MAP2K2: variants seen among roughly 807,000 people sequenced by gnomAD.
MAP2K2 encodes mitogen-activated protein kinase kinase 2.
MAP2K2 carries 24 observed loss-of-function variants against 43.7 expected under a neutral mutation model. The observed-to-expected ratio is 0.55, with a 90% confidence interval of 0.40 to 0.77. The LOEUF (loss-of-function observed/expected upper bound fraction) is 0.77, where lower values mean the gene tolerates loss of function less well. Among genes scored for constraint, MAP2K2 ranks in the 30% least tolerant of loss-of-function variants. MAP2K2 has a pLI of 0.00. For synonymous variants in MAP2K2, 244 were observed against 239.7 expected (o/e 1.02, Z -0.17); for missense variants, 470 against 566.8 (o/e 0.83, Z 1.73).
intron 6 of MAP2K2, chr19:4,099,834 G>A (rs535508084): frequency 2.2e-5 from 6 of 267,190 alleles, no homozygotes; most frequent in East Asian, 6.1e-5. Context: ...ACTAAGGGCC[G>A]GGTGCAGTGG....
intron 3 of MAP2K2, 129 bp from the exon 4 acceptor site, chr19:4,102,582 A>G (rs1303131647): frequency 8.7e-6 from 8 of 915,702 alleles, no homozygotes; most frequent in Non-Finnish European, 1.4e-5. Context: ...GCCCAACTCC[A>G]CCCACGGGCC....
chr19:4,101,361 CAG>C lies in MAP2K2; in HGVS notation c.529-83_529-82del. On this transcript the variant is annotated intron_variant, in intron 4 of 10. Coordinates refer to ENST00000262948, the MANE Select transcript of MAP2K2 (RefSeq NM_030662.4). This position sits in a 1 kb window ranked among gnomAD's most constrained non-coding sequence, Gnocchi z 6.3. ...ACCGAGCCCGGGGGTCAGAGCTGAG[CAG>C]TCAGAGCTGGAGCGAGGGAGCTGCG... 1.4e-6 allele frequency: 2 copies of C among 1,463,060 alleles called. No homozygotes were observed. The highest frequency in any genetic ancestry group is 1.9e-6 in the Non-Finnish European group (2 of 1,067,958). The allele number at this position is 1,463,060 out of a possible 1,614,324, so 90.6% of individuals were successfully genotyped here. A position where few individuals can be genotyped will look rare whatever the true frequency, so the allele number is the denominator to read the frequency against.
At chr19:4,118,337 T>C (rs2041253566) in intron 1 of MAP2K2, among the ~76,000 whole-genome samples, 1 of 152,170 alleles carries the variant, frequency 6.6e-6, no homozygotes, top group South Asian at 2.1e-4. Context: ...TGTCTGTCTT[T>C]GCAGGAGATA....
chr19:4,099,046 C>T, intron 7 of MAP2K2, 155 bp downstream of exon 7: 1 of 669,986 alleles, frequency 1.5e-6, no homozygotes, highest in Non-Finnish European at 2.6e-6. Context: ...CCGGAAACCC[C>T]AGGACCATGG....
At chr19:4,102,647 AG>A in intron 3 of MAP2K2, 194 bp from the exon 4 acceptor site, 1 of 935,136 alleles carries the variant, frequency 1.1e-6, no homozygotes, top group Non-Finnish European at 1.6e-6. Context: ...CCCACCCACA[AG>A]GTGGGGAAGG....
intron 10 of MAP2K2, among the ~76,000 whole-genome samples, chr19:4,092,065 G>A (rs1443173505): frequency 6.6e-6 from 1 of 152,226 alleles, no homozygotes; most frequent in Non-Finnish European, 1.5e-5. Context: ...CCTTGGGGAA[G>A]AGGCTGTGCT....
At chr19:4,112,665 C>T (rs575941708) in intron 2 of MAP2K2, among the ~76,000 whole-genome samples, 1 of 152,100 alleles carries the variant, frequency 6.6e-6, no homozygotes, top group Admixed American at 6.5e-5. Flanking sequence ...CCTGCCCCTG[C>T]CTGCCCGCCC....
At chr19:4,107,910 G>A (rs1227144586) in intron 3 of MAP2K2, among the ~76,000 whole-genome samples, 2 of 152,314 alleles carry the variant, frequency 1.3e-5, no homozygotes, top group African/African-American at 4.8e-5. Flanking sequence ...CTTCACAGCA[G>A]AAGCGGCAAG....
intron 10 of MAP2K2, among the ~76,000 whole-genome samples, chr19:4,093,980 C>G (rs1266718317): frequency 6.6e-6 from 1 of 152,108 alleles, no homozygotes; most frequent in Non-Finnish European, 1.5e-5. Flanking sequence ...TTTTGGTGAA[C>G]AGCTGGGCTT....
intron 3 of MAP2K2, among the ~76,000 whole-genome samples, chr19:4,109,092 G>C (rs1276995878): frequency 6.6e-6 from 1 of 152,180 alleles, no homozygotes; most frequent in East Asian, 1.9e-4. Flanking sequence ...AACTGTCAAA[G>C]GGGATCGCAC....
chr19:4,093,478 G>T (rs1461488738), intron 10 of MAP2K2, among the ~76,000 whole-genome samples: 1 of 151,998 alleles, frequency 6.6e-6, no homozygotes, highest in Non-Finnish European at 1.5e-5. Context: ...ATCACCTGAG[G>T]TCAGGAGTTT....
chr19:4,115,298 C>T lies in MAP2K2; in HGVS notation c.303+2121G>A, dbSNP rs929979975. Reference sequence around the variant, plus strand: ...TCAAAGGCCCCGATCTCCCTTTCCCCGCTACAGTAAAGCTGCAGGTGGGCC... The same window carrying T: ...TCAAAGGCCCCGATCTCCCTTTCCCTGCTACAGTAAAGCTGCAGGTGGGCC... On this transcript the variant is annotated intron_variant, in intron 2 of 10. Coordinates refer to ENST00000262948, the MANE Select transcript of MAP2K2 (RefSeq NM_030662.4). The surrounding 1 kb of genome is among the most constrained non-coding windows in gnomAD (Gnocchi z 4.1). Among the ~76,000 whole-genome samples the T allele has an allele frequency of 6.6e-5, 10 of 152,174 alleles. No homozygotes were observed. The highest frequency in any genetic ancestry group is 6.2e-4 in the South Asian group (3 of 4,828).
chr19:4,117,721 GAC>G (rs2041242697), intron 1 of MAP2K2, 92 bp from the exon 2 acceptor site: 1 of 1,115,252 alleles, frequency 9.0e-7, no homozygotes, highest in Non-Finnish European at 1.4e-6. Flanking sequence ...CCCCCAGGAG[GAC>G]ACAGACTGGA....
At chr19:4,098,591 C>T (rs910027611) in intron 7 of MAP2K2, among the ~76,000 whole-genome samples, 3 of 152,180 alleles carry the variant, frequency 2.0e-5, no homozygotes, top group African/African-American at 4.8e-5. Flanking sequence ...TGGAAGTGTC[C>T]GCTCGGCCCT....
chr19:4,092,896 C>A (rs1325460991), intron 10 of MAP2K2, among the ~76,000 whole-genome samples: 1 of 151,992 alleles, frequency 6.6e-6, no homozygotes, highest in East Asian at 1.9e-4. Context: ...ATTAGCAAGA[C>A]CCTGTCTCTA....
chr19:4,123,714 C>T, intron 1 of MAP2K2, 70 bp downstream of exon 1: 1 of 1,225,168 alleles, frequency 8.2e-7, no homozygotes, highest in South Asian at 1.4e-5. Context: ...CCCGTCCCCT[C>T]GCCCCGTCCT....
chr19:4,092,720 T>C (rs1465673508), intron 10 of MAP2K2, among the ~76,000 whole-genome samples: 1 of 152,058 alleles, frequency 6.6e-6, no homozygotes, highest in South Asian at 2.1e-4. Flanking sequence ...CATCCCCCTA[T>C]GGCACTAGGA....
chr19:4,111,514 C>T (rs139059516), intron 2 of MAP2K2, among the ~76,000 whole-genome samples: 14 of 152,284 alleles, frequency 9.2e-5, no homozygotes, highest in Admixed American at 8.5e-4. Flanking sequence ...GGAGACACCC[C>T]GTGGAGACGT....
At chr19:4,108,935 C>T (rs1050715060) in intron 3 of MAP2K2, among the ~76,000 whole-genome samples, 2 of 152,172 alleles carry the variant, frequency 1.3e-5, no homozygotes, top group Non-Finnish European at 2.9e-5. Context: ...CCTTTGATGC[C>T]GCCGGCAACG....
Sources: gnomAD v4.1 joint callset for allele counts (sites outside exome capture counted in the v4.1 genomes callset) on GRCh38, gnomAD v4.1.1 for gene constraint, Gnocchi (gnomAD v3.1) non-coding constraint, MANE v1.5 for transcripts, NCBI Gene and HGNC (gene_info 2026-07-23, HGNC 2026-07-21) for gene names.